SRD5A1: variants seen among roughly 807,000 people sequenced by gnomAD.
SRD5A1 encodes the protein 3-oxo-5-alpha-steroid 4-dehydrogenase 1.
A neutral mutation model predicts 28.2 loss-of-function variants in SRD5A1; 22 were observed. The ratio of observed to expected loss-of-function variants is 0.78; its 90% CI spans 0.56 to 1.12. The LOEUF (loss-of-function observed/expected upper bound fraction) is 1.12. Ranked by LOEUF, SRD5A1 falls within the 50% of genes most tolerant of loss-of-function variation. The pLI is 0.00. For missense variants in SRD5A1, 300 were observed against 346.7 expected (o/e 0.87, Z 1.07); for synonymous variants, 151 against 135.0 (o/e 1.12, Z -0.82).
At chr5:6,650,367 C>T (rs200492299) in intron 1 of SRD5A1, among the ~76,000 whole-genome samples, 1 of 151,144 alleles carries the variant, frequency 6.6e-6, no homozygotes, top group Admixed American at 6.6e-5. Context: ...GCCATGATTG[C>T]CCCACTGCAC....
intron 1 of SRD5A1, 151 bp downstream of exon 1, chr5:6,634,020 G>A (rs1222897855): frequency 3.2e-5 from 26 of 805,828 alleles, no homozygotes; most frequent in Admixed American, 5.7e-5. Context: ...CCATCTGCAC[G>A]GGTGCCCTTC....
At chr5:6,655,030 AT>A (rs1171797582) in intron 2 of SRD5A1, among the ~76,000 whole-genome samples, 3 of 152,366 alleles carry the variant, frequency 2.0e-5, no homozygotes, top group East Asian at 1.9e-4. Context: ...GGAAAAAAAA[AT>A]AAAAGCTGAT....
chr5:6,664,105 T>TGGTATGCACATTTA (rs1739091176), intron 4 of SRD5A1, among the ~76,000 whole-genome samples: 1 of 152,152 alleles, frequency 6.6e-6, no homozygotes, highest in African/African-American at 2.4e-5. Context: ...GCGGCCAGCC[T>TGGTATGCACATTTA]GGTATGCACA....
At chr5:6,660,798 A>G (rs1180697727) in intron 3 of SRD5A1, among the ~76,000 whole-genome samples, 1 of 152,226 alleles carries the variant, frequency 6.6e-6, no homozygotes, top group Non-Finnish European at 1.5e-5. Context: ...TGGGTAATTT[A>G]TGAAGAGAAA....
At chr5:6,654,030 C>G (rs1738761081) in intron 2 of SRD5A1, among the ~76,000 whole-genome samples, 1 of 151,856 alleles carries the variant, frequency 6.6e-6, no homozygotes, top group South Asian at 2.1e-4. Flanking sequence ...ACTGTAGTTA[C>G]CATGAAGTAA....
intron 3 of SRD5A1, among the ~76,000 whole-genome samples, chr5:6,660,107 G>A (rs1003152156): frequency 3.3e-5 from 5 of 152,200 alleles, no homozygotes; most frequent in Admixed American, 1.3e-4. Flanking sequence ...CAGGTGTGAC[G>A]TCCATAGTCA....
chr5:6,657,241 C>T (rs1264117339), intron 3 of SRD5A1, among the ~76,000 whole-genome samples: 3 of 152,226 alleles, frequency 2.0e-5, no homozygotes, highest in Non-Finnish European at 2.9e-5. Context: ...AAGCCAGCTC[C>T]AGACGTGATG....
At chr5:6,642,743 G>A (rs1738401450) in intron 1 of SRD5A1, among the ~76,000 whole-genome samples, 1 of 152,212 alleles carries the variant, frequency 6.6e-6, no homozygotes, top group Non-Finnish European at 1.5e-5. Flanking sequence ...ATGGTGGTGA[G>A]GGCAGTTCTT....
At chr5:6,649,853 G>T (rs1377089177) in intron 1 of SRD5A1, among the ~76,000 whole-genome samples, 1 of 151,412 alleles carries the variant, frequency 6.6e-6, no homozygotes, top group Non-Finnish European at 1.5e-5. Context: ...CTCGCTGGGA[G>T]CTGCAAGACC....
chr5:6,646,615 G>A (rs1441557119), intron 1 of SRD5A1, among the ~76,000 whole-genome samples: 1 of 152,104 alleles, frequency 6.6e-6, no homozygotes, highest in Non-Finnish European at 1.5e-5. Flanking sequence ...TGGGACCGGT[G>A]GTGATATCCT....
chr5:6,645,045 A>G (rs8192181), intron 1 of SRD5A1: 15,963 of 455,386 alleles, frequency 0.035, 644 homozygotes, highest in South Asian at 0.1. Context: ...GTAAATCAGT[A>G]TGAAGTCTTC....
intron 2 of SRD5A1, chr5:6,653,656 A>G (rs1343272537): frequency 6.6e-6 from 1 of 152,210 alleles, no homozygotes; most frequent in Non-Finnish European, 1.5e-5. Flanking sequence ...AATAAGAGGA[A>G]GGGGAATTTC....
intron 1 of SRD5A1, among the ~76,000 whole-genome samples, chr5:6,634,616 T>C (rs1579390009): frequency 1.3e-5 from 2 of 152,228 alleles, no homozygotes. Flanking sequence ...ATAGGCTTGA[T>C]CACTTTCAGA....
At chr5:6,652,357 C>T (rs1738705648) in intron 2 of SRD5A1, among the ~76,000 whole-genome samples, 4 of 152,206 alleles carry the variant, frequency 2.6e-5, no homozygotes, top group Admixed American at 1.3e-4. Flanking sequence ...CGGTTCCTTC[C>T]ATGACATGAG....
chr5:6,639,799 G>A (rs1310416773), intron 1 of SRD5A1, among the ~76,000 whole-genome samples: 2 of 152,162 alleles, frequency 1.3e-5, no homozygotes, highest in Non-Finnish European at 2.9e-5. Context: ...ACTTACAGGT[G>A]AAATACATGC....
At chr5:6,658,459 GT>G (rs1738897428) in intron 3 of SRD5A1, among the ~76,000 whole-genome samples, 1 of 152,234 alleles carries the variant, frequency 6.6e-6, no homozygotes, top group Admixed American at 6.5e-5. Context: ...TCCCTGTGAT[GT>G]TTCCCCACAG....
Position 6,656,185 on chromosome 5 carries a change from T to C in SRD5A1, c.562+6T>C, listed in dbSNP as rs767894073. The C allele has an allele frequency of 6.2e-7, 1 of 1,607,754 alleles. No homozygotes were observed. The highest frequency in any genetic ancestry group is 1.1e-5 in the South Asian group (1 of 90,776). On this transcript the variant is annotated splice_donor_region_variant and intron_variant, in intron 3 of 4. Coordinates refer to ENST00000274192, the MANE Select transcript of SRD5A1 (RefSeq NM_001047.4). ...TGGATACAAAATACCAAGGGGTACG[T>C]ACAGAAAGTGAAGAATTTCTGTGAA...
chr5:6,659,189 C>T (rs1439507591), intron 3 of SRD5A1, among the ~76,000 whole-genome samples: 1 of 151,562 alleles, frequency 6.6e-6, no homozygotes, highest in East Asian at 2.0e-4. Context: ...TCTCGGCTCA[C>T]TGCAAGCTCT....
At chr5:6,636,772 G>A (rs1386811735) in intron 1 of SRD5A1, among the ~76,000 whole-genome samples, 3 of 152,204 alleles carry the variant, frequency 2.0e-5, no homozygotes, top group Non-Finnish European at 4.4e-5. Flanking sequence ...ACGTGCCAGT[G>A]AGGATTTCTG....
Sources: allele counts gnomAD v4.1 joint callset (sites outside exome capture counted in the v4.1 genomes callset), GRCh38; gene constraint gnomAD v4.1.1; transcripts MANE v1.5; gene names NCBI Gene and HGNC (gene_info 2026-07-23, HGNC 2026-07-21).